PIN4: variants seen among roughly 807,000 people sequenced by gnomAD.
PIN4 encodes the protein peptidylprolyl cis/trans isomerase, NIMA-interacting 4.
Under a neutral mutation model 8.3 loss-of-function variants are expected in PIN4, and 3 were observed. The ratio of observed to expected loss-of-function variants is 0.36; its 90% confidence interval spans 0.16 to 0.93. The LOEUF (loss-of-function observed/expected upper bound fraction) is 0.93, where lower values mean the gene tolerates loss of function less well. PIN4 is among the 40% of genes least tolerant of loss of function. The probability of loss-of-function intolerance (pLI) is 0.44; values close to 1 mark genes in which losing one functional copy is unlikely to be tolerated. For synonymous variants in PIN4, 18 were observed against 32.5 expected, an observed-to-expected ratio of 0.55 and a Z score of 1.52; for missense variants, 75 against 100.6, an observed-to-expected ratio of 0.75 and a Z score of 1.09.
intron 3 of PIN4, among the ~76,000 whole-genome samples, chrX:72,223,764 G>A (rs904682658): frequency 9.0e-6 from 1 of 111,608 alleles, no homozygotes; most frequent in Non-Finnish European, 1.9e-5. Context: ...CCAAAGGTCA[G>A]TTACACAAAA....
At chrX:72,189,599 C>T (rs1265952612) in intron 2 of PIN4, among the ~76,000 whole-genome samples, 1 of 111,672 alleles carries the variant, frequency 9.0e-6, no homozygotes, top group African/African-American at 3.3e-5. Context: ...ATACAAAATA[C>T]AAAATGCTGT....
intron 3 of PIN4, chrX:72,206,658 T>C (rs2042822576): frequency 1.7e-6 from 2 of 1,211,847 alleles, no homozygotes; most frequent in Non-Finnish European, 2.2e-6. Flanking sequence ...GGAATTGAGC[T>C]TTCTGAACCC....
intron 2 of PIN4, among the ~76,000 whole-genome samples, chrX:72,194,259 G>A (rs145825789): frequency 9.0e-6 from 1 of 111,118 alleles, no homozygotes; most frequent in African/African-American, 3.3e-5. Context: ...ATTAGGCCGG[G>A]TATGGTGGCT....
At chrX:72,193,872 C>CAA (rs757224920) in intron 2 of PIN4, among the ~76,000 whole-genome samples, 45 of 47,465 alleles carry the variant, frequency 9.5e-4, no homozygotes, top group Middle Eastern at 0.014. Flanking sequence ...GACTTCATCT[C>CAA]AAAAAAAAAA....
chrX:72,226,529 G>A (rs1467089107), intron 3 of PIN4, among the ~76,000 whole-genome samples: 2 of 112,262 alleles, frequency 1.8e-5, no homozygotes, highest in Admixed American at 1.9e-4. Context: ...GCGGGGCTAT[G>A]TCACGGCTAA....
intron 3 of PIN4, among the ~76,000 whole-genome samples, chrX:72,228,096 C>G (rs1056748586): frequency 3.0e-4 from 34 of 111,912 alleles, no homozygotes; most frequent in African/African-American, 6.5e-4. Flanking sequence ...AAGTTGCTAG[C>G]CAATCGGGAC....
chrX:72,189,345 C>T (rs777972230), intron 2 of PIN4, among the ~76,000 whole-genome samples: 11 of 111,102 alleles, frequency 9.9e-5, no homozygotes, highest in East Asian at 2.8e-4. Context: ...TAACTATACC[C>T]GCTTCCCTCC....
chrX:72,240,669 G>C (rs2043045303), intron 3 of PIN4, among the ~76,000 whole-genome samples: 1 of 109,696 alleles, frequency 9.1e-6, no homozygotes. Context: ...GCATGGTGGC[G>C]GGTGCCTGTA....
rs761255706 is a variant in PIN4 at position 72,259,724 on chromosome X, CTTTTTTT to C, written c.313-2965_313-2959del. The stretch of plus-strand genomic sequence containing the variant: ...GGTACTCTGGCACAGAGGCCATATC[CTTTTTTT>C]TTTTTTTTTTTTTTTTTGAGACAGA... On this transcript the variant is annotated intron_variant, in intron 3 of 3. Transcript: ENST00000423432. Among the ~76,000 whole-genome samples, 5 of 69,045 alleles carry C rather than the reference CTTTTTTT, an allele frequency of 7.2e-5. No homozygotes were observed. In the South Asian group the frequency reaches 4.2e-3, roughly 58 times the overall value. 60.0% of individuals were successfully genotyped at this position (69,045 alleles called of 115,157 possible).
intron 3 of PIN4, among the ~76,000 whole-genome samples, chrX:72,239,375 G>A (rs1233796074): frequency 8.9e-6 from 1 of 112,433 alleles, no homozygotes. Flanking sequence ...ACCCTGCCCC[G>A]CATCCACAGA....
chrX:72,198,006 C>G lies in PIN4; in HGVS notation c.*480C>G. ...TCCAGGACAGGTGGTATTAGCTCCA[C>G]TGTCTTAACATAGTACGTGGCACGT... On this transcript the variant is annotated 3_prime_UTR_variant, in exon 4 of 4. Coordinates refer to ENST00000373669, the MANE Select transcript of PIN4 (RefSeq NM_006223.4). The G allele has an allele frequency of 1.3e-6, 1 of 751,326 alleles. No individual in the cohort carries two copies. The highest frequency in any genetic ancestry group is 1.6e-6 in the Non-Finnish European group (1 of 634,823). 61.9% of individuals were successfully genotyped at this position (751,326 alleles called of 1,213,427 possible).
At chrX:72,213,408 C>T (rs768569281) in intron 3 of PIN4, among the ~76,000 whole-genome samples, 3 of 111,649 alleles carry the variant, frequency 2.7e-5, no homozygotes, top group Non-Finnish European at 5.7e-5. Context: ...TCCAGGCATT[C>T]GAGCCGGGAG....
At chrX:72,261,296 GAA>G (rs754002557) in intron 3 of PIN4, among the ~76,000 whole-genome samples, 1 of 46,023 alleles carries the variant, frequency 2.2e-5, no homozygotes, top group Non-Finnish European at 4.2e-5. Flanking sequence ...CTCCGTCTCA[GAA>G]AAAAAAAAAA....
intron 3 of PIN4, among the ~76,000 whole-genome samples, chrX:72,237,455 G>A (rs1602455372): frequency 9.0e-6 from 1 of 111,395 alleles, no homozygotes. Flanking sequence ...AAAATTAGCC[G>A]GGTGTGTTAG....
chrX:72,220,045 A>AG (rs1359115625), intron 3 of PIN4, among the ~76,000 whole-genome samples: 1 of 110,665 alleles, frequency 9.0e-6, no homozygotes, highest in Non-Finnish European at 1.9e-5. Flanking sequence ...TTTTATTCCT[A>AG]GTTTGTTGAG....
chrX:72,242,497 C>A (rs1365986209), intron 3 of PIN4, among the ~76,000 whole-genome samples: 1 of 112,253 alleles, frequency 8.9e-6, no homozygotes, highest in Non-Finnish European at 1.9e-5. Context: ...TAAATGGTCA[C>A]CCAGGCTCAC....
chrX:72,242,699 G>A (rs954246896), intron 3 of PIN4, among the ~76,000 whole-genome samples: 3 of 112,425 alleles, frequency 2.7e-5, no homozygotes, highest in Non-Finnish European at 5.6e-5. Flanking sequence ...TTCCCCCAGC[G>A]TCTCTCAAGG....
Position 72,254,619 on chromosome X carries a change from G to C in PIN4, c.313-8088G>C, listed in dbSNP as rs183756172. Among the ~76,000 whole-genome samples the C allele has an allele frequency of 2.8e-4, 31 of 112,230 alleles. No individual in the cohort carries two copies. The East Asian group carries it at 6.4e-3, about 23-fold the overall frequency. On this transcript the variant is annotated intron_variant, in intron 3 of 3. Transcript: ENST00000423432. ...CTGGTAAGGATCTCAGATTTGGGGA[G>C]AGGAAGGGTTGTTTTTCAAGTCCCT...
intron 3 of PIN4, among the ~76,000 whole-genome samples, chrX:72,212,875 A>G (rs2042863915): frequency 9.0e-6 from 1 of 111,590 alleles, no homozygotes; most frequent in Non-Finnish European, 1.9e-5. Flanking sequence ...CCTGGGAGGC[A>G]GGGGTTGCAT....
Sources: allele counts gnomAD v4.1 joint callset (sites outside exome capture counted in the v4.1 genomes callset), GRCh38; gene constraint gnomAD v4.1.1; transcripts MANE v1.5; gene names NCBI Gene and HGNC (gene_info 2026-07-23, HGNC 2026-07-21).